SIPA1L1: variants seen among roughly 807,000 people sequenced by gnomAD.
The protein encoded by SIPA1L1 is signal induced proliferation associated 1 like 1, also known as signal-induced proliferation-associated 1-like protein 1.
A neutral mutation model predicts 162.7 loss-of-function variants in SIPA1L1; 26 were observed. The observed-to-expected ratio is 0.16, with a 90% CI of 0.12 to 0.22. The LOEUF is 0.22. Ranked by LOEUF, SIPA1L1 falls within the 10% of genes least tolerant of loss-of-function variation. The pLI, the probability that SIPA1L1 is intolerant of heterozygous loss-of-function variation, is 1.00. For synonymous variants in SIPA1L1, 829 were observed against 837.4 expected (o/e 0.99, Z 0.17); for missense variants, 1,874 against 2,241.0 (o/e 0.84, Z 3.31).
chr14:71,573,843 T>C (rs1334839851), intron 4 of SIPA1L1: 13 of 388,268 alleles, frequency 3.3e-5, no homozygotes, highest in Non-Finnish European at 5.6e-5. Context: ...TTGTTTTGAT[T>C]TGTATGCCTT....
intron 2 of SIPA1L1, among the ~76,000 whole-genome samples, chr14:71,472,035 C>T (rs1276477761): frequency 6.6e-6 from 1 of 151,268 alleles, no homozygotes; most frequent in Non-Finnish European, 1.5e-5. Flanking sequence ...TAATAAATAT[C>T]TTTTAAAATA....
intron 4 of SIPA1L1, among the ~76,000 whole-genome samples, chr14:71,558,062 T>C (rs1397947198): frequency 1.3e-5 from 2 of 152,148 alleles, no homozygotes; most frequent in South Asian, 2.1e-4. Flanking sequence ...TAAAAAAATA[T>C]TTTATTGAAT....
intron 5 of SIPA1L1, among the ~76,000 whole-genome samples, chr14:71,608,351 A>G (rs932517907): frequency 6.6e-6 from 1 of 152,152 alleles, no homozygotes; most frequent in Non-Finnish European, 1.5e-5. Context: ...AGCCTTTTCC[A>G]TAGGAAGACA....
intron 4 of SIPA1L1, among the ~76,000 whole-genome samples, chr14:71,565,226 A>T (rs1190428586): frequency 6.6e-6 from 1 of 152,084 alleles, no homozygotes; most frequent in East Asian, 1.9e-4. Context: ...TCTGTTGATC[A>T]ATTTTTGTCT....
intron 2 of SIPA1L1, among the ~76,000 whole-genome samples, chr14:71,325,406 GA>G (rs2140185264): frequency 6.6e-6 from 1 of 152,278 alleles, no homozygotes; most frequent in African/African-American, 2.4e-5. Flanking sequence ...AGAAGCATGG[GA>G]AAGATTTGTG....
At chr14:71,390,876 G>GA (rs369897139) in intron 2 of SIPA1L1, among the ~76,000 whole-genome samples, 2 of 152,016 alleles carry the variant, frequency 1.3e-5, no homozygotes, top group Non-Finnish European at 1.5e-5. Flanking sequence ...CAGAGGAAGT[G>GA]AAAAAAATCT....
At chr14:71,586,567 T>G (rs2034635623) in intron 4 of SIPA1L1, 1 of 152,228 alleles carries the variant, frequency 6.6e-6, no homozygotes, top group Non-Finnish European at 1.5e-5. Context: ...AAAAGGAGCC[T>G]CTGCCTTTCT....
At chr14:71,529,283 A>G in intron 3 of SIPA1L1, 29 bp from the exon 4 acceptor site, 3 of 609,012 alleles carry the variant, frequency 4.9e-6, no homozygotes, top group Non-Finnish European at 8.8e-6. Flanking sequence ...TGTGCACTTA[A>G]CCAGGTTTTT....
At chr14:71,341,519 T>C (rs1440318587) in intron 2 of SIPA1L1, among the ~76,000 whole-genome samples, 1 of 152,218 alleles carries the variant, frequency 6.6e-6, no homozygotes, top group Admixed American at 6.5e-5. Flanking sequence ...ACTTTTGTTT[T>C]AGATTCAGTG....
chr14:71,559,315 G>A (rs936432011), intron 4 of SIPA1L1, among the ~76,000 whole-genome samples: 21 of 152,048 alleles, frequency 1.4e-4, no homozygotes, highest in Admixed American at 1.3e-3. Context: ...TGATCTGCCC[G>A]CCTCGGCCTC....
At chr14:71,699,382 A>G (rs932100363) in intron 14 of SIPA1L1, among the ~76,000 whole-genome samples, 11 of 152,218 alleles carry the variant, frequency 7.2e-5, no homozygotes, top group African/African-American at 2.7e-4. Context: ...TAGTTTGTCC[A>G]TTGTATATAT....
intron 4 of SIPA1L1, among the ~76,000 whole-genome samples, chr14:71,532,583 CATTT>C (rs770530758): frequency 6.6e-6 from 1 of 152,124 alleles, no homozygotes; most frequent in African/African-American, 2.4e-5. Flanking sequence ...GGCCATAGAC[CATTT>C]AGTCTGGAAA....
intron 3 of SIPA1L1, chr14:71,528,640 G>C (rs2053132378): frequency 6.6e-6 from 1 of 152,012 alleles, no homozygotes; most frequent in Non-Finnish European, 1.5e-5. Flanking sequence ...GTGACAGAAT[G>C]ATACTCCATC....
At chr14:71,707,919 G>A (rs2082571898) in intron 16 of SIPA1L1, among the ~76,000 whole-genome samples, 1 of 150,674 alleles carries the variant, frequency 6.6e-6, no homozygotes, top group Admixed American at 6.6e-5. Context: ...TTTTATTATA[G>A]CCAAAGTGGC....
intron 2 of SIPA1L1, among the ~76,000 whole-genome samples, chr14:71,393,411 A>G (rs2040925397): frequency 6.6e-6 from 1 of 152,234 alleles, no homozygotes; most frequent in Admixed American, 6.5e-5. Flanking sequence ...ATGGACAACT[A>G]AAGAACAGAT....
At chr14:71,333,125 T>C (rs2034738138) in intron 2 of SIPA1L1, among the ~76,000 whole-genome samples, 1 of 152,216 alleles carries the variant, frequency 6.6e-6, no homozygotes, top group Admixed American at 6.5e-5. Context: ...TTTCTGTTGT[T>C]ACAGGTAGCA....
intron 12 of SIPA1L1, among the ~76,000 whole-genome samples, chr14:71,680,283 A>T (rs939840754): frequency 5.9e-5 from 9 of 152,156 alleles, no homozygotes; most frequent in African/African-American, 1.7e-4. Flanking sequence ...CACTCAAAAC[A>T]GCTCAACTAC....
chr14:71,687,202 C>T (rs905929027), intron 13 of SIPA1L1, among the ~76,000 whole-genome samples: 3 of 152,164 alleles, frequency 2.0e-5, no homozygotes, highest in Non-Finnish European at 4.4e-5. Flanking sequence ...GTTTACAGAG[C>T]CTTGCTATTT....
At chr14:71,451,210 A>T (rs1348459651) in intron 2 of SIPA1L1, among the ~76,000 whole-genome samples, 1 of 152,016 alleles carries the variant, frequency 6.6e-6, no homozygotes, top group African/African-American at 2.4e-5. Flanking sequence ...TCAGAAGTAG[A>T]TTGTAGAATG....
Sources: allele counts gnomAD v4.1 joint callset (sites outside exome capture counted in the v4.1 genomes callset), GRCh38; gene constraint gnomAD v4.1.1; transcripts MANE v1.5; gene names NCBI Gene and HGNC (gene_info 2026-07-23, HGNC 2026-07-21).